The following LMO7 variants were observed in gnomAD, a reference collection of about 807,000 sequenced individuals.
The protein encoded by LMO7 is LIM domain only protein 7.
A neutral mutation model predicts 206.5 loss-of-function variants in LMO7; 120 were observed. That is an observed-to-expected ratio of 0.58 (90% CI 0.50 to 0.68). The LOEUF (loss-of-function observed/expected upper bound fraction) is 0.68. Among genes scored for constraint, LMO7 ranks in the 30% least tolerant of loss-of-function variants. LMO7 has a pLI of 0.00. For synonymous variants in LMO7, 706 were observed against 681.5 expected, an observed-to-expected ratio of 1.04 and a Z score of -0.56; for missense variants, 1,959 against 1,957.9, an observed-to-expected ratio of 1.00 and a Z score of -0.01.
chr13:75,675,222 T>C (rs529174670), intron 1 of LMO7, among the ~76,000 whole-genome samples: 107 of 151,944 alleles, frequency 7.0e-4, no homozygotes, highest in Admixed American at 1.1e-3. Context: ...TACAGGCGCC[T>C]GCCACCATGC....
intron 19 of LMO7, among the ~76,000 whole-genome samples, chr13:75,836,815 C>T (rs1445995466): frequency 6.6e-6 from 1 of 152,164 alleles, no homozygotes; most frequent in African/African-American, 2.4e-5. Context: ...AGTTTCCTTT[C>T]TTCTTTATTG....
intron 15 of LMO7, among the ~76,000 whole-genome samples, chr13:75,832,545 C>T (rs1410685072): frequency 3.9e-5 from 6 of 152,172 alleles, no homozygotes; most frequent in Non-Finnish European, 8.8e-5. Flanking sequence ...ACTTCACATG[C>T]CCACTAGGGA....
intron 4 of LMO7, among the ~76,000 whole-genome samples, chr13:75,763,937 T>C (rs1173909413): frequency 6.6e-6 from 1 of 152,182 alleles, no homozygotes; most frequent in Non-Finnish European, 1.5e-5. Context: ...AGTTTACAAT[T>C]TAATTCACAG....
Position 75,835,263 on chromosome 13 carries a change from C to T in LMO7, c.3257C>T (p.Thr1086Ile), listed in dbSNP as rs773243656. The T allele has an allele frequency of 5.0e-6, 8 of 1,611,686 alleles. No individual in the cohort carries two copies. Among genetic ancestry groups the T allele is most frequent in the Non-Finnish European group, 6.8e-6 (8 of 1,178,820 alleles). ...CCTGAAACAAAGTGGATTGATGCAA[C>T]TTCTGGAATTTACAACTCAGAAAAA... ...GSPETKWIDA[T>I]SGIYNSEKSS... The change falls in exon 18 of 31, where the codon ACT (threonine) becomes ATT (isoleucine). Residue 1086 changes from threonine to isoleucine, a missense_variant. Transcript: ENST00000377534.
chr13:75,646,564 T>G (rs1345138735), intron 1 of LMO7, among the ~76,000 whole-genome samples: 1 of 147,660 alleles, frequency 6.8e-6, no homozygotes, highest in Non-Finnish European at 1.5e-5. Flanking sequence ...GTTACTCAGA[T>G]GTAGAGAGAA....
chr13:75,835,197 C>T, intron 17 of LMO7, 36 bp from the exon 18 acceptor site: 1 of 1,610,046 alleles, frequency 6.2e-7, no homozygotes, highest in African/African-American at 1.3e-5. Flanking sequence ...CGGCATAAAA[C>T]CCTCAATCTC....
chr13:75,638,991 T>C (rs1475120950), intron 1 of LMO7, among the ~76,000 whole-genome samples: 1 of 152,168 alleles, frequency 6.6e-6, no homozygotes, highest in Non-Finnish European at 1.5e-5. Context: ...TGTATATGTA[T>C]GTACATATAT....
intron 1 of LMO7, among the ~76,000 whole-genome samples, chr13:75,707,830 A>G (rs1225585441): frequency 6.6e-6 from 1 of 152,038 alleles, no homozygotes; most frequent in African/African-American, 2.4e-5. Flanking sequence ...GTACGTAAGT[A>G]CAAGAGTACA....
At chr13:75,840,694 A>G (rs1213952954) in intron 22 of LMO7, among the ~76,000 whole-genome samples, 199 bp downstream of exon 22, 2 of 152,180 alleles carry the variant, frequency 1.3e-5, no homozygotes, top group African/African-American at 2.4e-5. Flanking sequence ...AAAAATCATT[A>G]TTTATTAACC....
At position 75,856,153 on chromosome 13, in the gene LMO7, C is replaced by A. The variant is rs1240970518; in HGVS notation, c.4771-353C>A. Among the ~76,000 whole-genome samples the A allele has an allele frequency of 3.9e-5, 6 of 152,130 alleles. 1 individual carries two copies. The highest frequency in any genetic ancestry group is 3.9e-4 in the Admixed American group (6 of 15,270). On this transcript the variant is annotated intron_variant, in intron 29 of 30. Coordinates refer to ENST00000377534, the MANE Select transcript of LMO7 (RefSeq NM_001306080.2). ...CCCACCCCAGGGTGGAGTGCCAGGGCCCAGCCTTCATTCACTCTGGCCACT... is the reference window on the plus strand; with the variant it reads ...CCCACCCCAGGGTGGAGTGCCAGGGACCAGCCTTCATTCACTCTGGCCACT...
At chr13:75,792,539 G>C (rs1170362050) in intron 4 of LMO7, among the ~76,000 whole-genome samples, 1 of 152,208 alleles carries the variant, frequency 6.6e-6, no homozygotes, top group Admixed American at 6.5e-5. Flanking sequence ...GTGTCGTGCA[G>C]TAAGTAGGCT....
At chr13:75,736,369 G>A (rs188621863) in intron 3 of LMO7, among the ~76,000 whole-genome samples, 1 of 152,330 alleles carries the variant, frequency 6.6e-6, no homozygotes, top group Admixed American at 6.5e-5. Context: ...TGTCAGGATG[G>A]TTATATTAAA....
At chr13:75,719,429 G>A (rs2043835010) in intron 2 of LMO7, among the ~76,000 whole-genome samples, 1 of 152,138 alleles carries the variant, frequency 6.6e-6, no homozygotes, top group Non-Finnish European at 1.5e-5. Context: ...ATATGGTTTG[G>A]CCCTGTGTCC....
chr13:75,720,474 T>C (rs2043929388), intron 2 of LMO7, among the ~76,000 whole-genome samples: 1 of 152,234 alleles, frequency 6.6e-6, no homozygotes, highest in Non-Finnish European at 1.5e-5. Context: ...TGGTTTTATA[T>C]TTAGGTCTGT....
At chr13:75,850,897 C>T (rs949271334) in intron 27 of LMO7, among the ~76,000 whole-genome samples, 1 of 151,990 alleles carries the variant, frequency 6.6e-6, no homozygotes, top group African/African-American at 2.4e-5. Context: ...AATTTGCTGT[C>T]CCCTGTAGCT....
At chr13:75,757,110 G>T (rs2047736866) in intron 3 of LMO7, among the ~76,000 whole-genome samples, 1 of 152,180 alleles carries the variant, frequency 6.6e-6, no homozygotes, top group Non-Finnish European at 1.5e-5. Flanking sequence ...CTTCCATCTT[G>T]CTCCTTGGAT....
chr13:75,794,798 T>C (rs1461023171), intron 4 of LMO7, among the ~76,000 whole-genome samples: 1 of 152,200 alleles, frequency 6.6e-6, no homozygotes, highest in Non-Finnish European at 1.5e-5. Flanking sequence ...AAAAAACCCA[T>C]GATTCTTATA....
intron 1 of LMO7, among the ~76,000 whole-genome samples, chr13:75,671,941 A>G (rs1210182293): frequency 6.6e-6 from 1 of 152,060 alleles, no homozygotes; most frequent in African/African-American, 2.4e-5. Flanking sequence ...AAATCTTCAG[A>G]GGGCTTCTGA....
At chr13:75,734,660 A>C (rs974206489) in intron 3 of LMO7, among the ~76,000 whole-genome samples, 2 of 152,174 alleles carry the variant, frequency 1.3e-5, no homozygotes, top group Non-Finnish European at 2.9e-5. Flanking sequence ...AGGAATGAAA[A>C]ATTTTTAATA....
Sources: allele counts gnomAD v4.1 joint callset (sites outside exome capture counted in the v4.1 genomes callset), GRCh38; gene constraint gnomAD v4.1.1; transcripts MANE v1.5; gene names NCBI Gene and HGNC (gene_info 2026-07-23, HGNC 2026-07-21).